ZNF821: variants seen among roughly 807,000 people sequenced by gnomAD.
ZNF821 encodes the protein zinc finger protein 821.
A neutral mutation model predicts 44.3 loss-of-function variants in ZNF821; 16 were observed. The observed-to-expected ratio is 0.36, with a 90% confidence interval of 0.24 to 0.55. The LOEUF (loss-of-function observed/expected upper bound fraction) is 0.55. Among genes scored for constraint, ZNF821 ranks in the 20% least tolerant of loss-of-function variants. ZNF821 has a pLI of 0.86. For missense variants in ZNF821, 436 were observed against 547.6 expected (o/e 0.80, Z 2.03); for synonymous variants, 204 against 197.6 (o/e 1.03, Z -0.27).
In ZNF821 at chr16:71,860,208, T is replaced by C; in HGVS notation, c.1049A>G (p.Lys350Arg). The change falls in exon 8 of 8, where the codon AAG becomes AGG. Residue 350 changes from lysine (K) to arginine (R), a missense_variant. Coordinates refer to ENST00000425432, the MANE Select transcript of ZNF821 (RefSeq NM_001201552.2). This position sits in a 1 kb window ranked among gnomAD's most constrained non-coding sequence, Gnocchi z 7.3. ...TTTCTCCAGCCTCCTCTTGAGCCGC[T>C]TGGCCTCTCGCTCTCGGATGAGCCG... ...QARLIREREA[K>R]RLKRRLEKMD... is the part of the protein sequence containing the mutation. 6.2e-7 allele frequency: 1 copy of C among 1,614,228 alleles called. No individual in the cohort carries two copies.
At chr16:71,877,935 A>G (rs1443136793) in intron 3 of ZNF821, among the ~76,000 whole-genome samples, 2 of 147,396 alleles carry the variant, frequency 1.4e-5, no homozygotes, top group East Asian at 3.9e-4. Flanking sequence ...AAAATTATAT[A>G]TATTATATAA....
chr16:71,866,700 C>T (rs1207942764), intron 4 of ZNF821, among the ~76,000 whole-genome samples: 2 of 152,280 alleles, frequency 1.3e-5, no homozygotes, highest in Admixed American at 6.5e-5. Flanking sequence ...TATTGTAATT[C>T]CCACCTGCTA....
In ZNF821 at chr16:71,861,811, A is replaced by G; in HGVS notation, c.549T>C (p.Cys183=). ...TGGCATGGCTGGTGAACCGGGCTCCACACACAGCACAGTTAGATCGCTGGT... is the reference window on the plus strand; with the variant it reads ...TGGCATGGCTGGTGAACCGGGCTCCGCACACAGCACAGTTAGATCGCTGGT... ...SEDQRSNCAV[C]GARFTSHATF... Residue 183 remains cysteine (C), a synonymous_variant, in exon 7 of 8, where the codon TGT becomes TGC. Transcript: ENST00000425432. The G allele has an allele frequency of 6.2e-7, 1 of 1,614,180 alleles. No homozygotes were observed. Among genetic ancestry groups the G allele is most frequent in the South Asian group, 1.1e-5 (1 of 91,088 alleles).
chr16:71,877,638 G>A (rs1164282496), intron 3 of ZNF821, among the ~76,000 whole-genome samples: 1 of 151,988 alleles, frequency 6.6e-6, no homozygotes, highest in East Asian at 1.9e-4. Context: ...TAGGGTTTTA[G>A]CCAGCTGCAG....
chr16:71,876,785 T>G (rs1174152664), intron 3 of ZNF821, among the ~76,000 whole-genome samples: 1 of 151,998 alleles, frequency 6.6e-6, no homozygotes, highest in Non-Finnish European at 1.5e-5. Context: ...TTTTTGTATT[T>G]TTGGTACAGA....
intron 4 of ZNF821, among the ~76,000 whole-genome samples, chr16:71,866,409 A>G (rs1403802953): frequency 1.3e-5 from 2 of 152,264 alleles, no homozygotes; most frequent in East Asian, 1.9e-4. Context: ...GCCTGGAAAG[A>G]GCTATGGTTT....
At chr16:71,869,271 C>A (rs1265642093) in intron 3 of ZNF821, among the ~76,000 whole-genome samples, 2 of 152,110 alleles carry the variant, frequency 1.3e-5, no homozygotes, top group African/African-American at 4.8e-5. Context: ...AAGGAAAGTA[C>A]GCAGGCATAC....
chr16:71,874,655 T>G (rs536694777), intron 3 of ZNF821, among the ~76,000 whole-genome samples: 1 of 152,100 alleles, frequency 6.6e-6, no homozygotes, highest in African/African-American at 2.4e-5. Context: ...GGTTTTGCCA[T>G]GTTGGCCAGG....
chr16:71,875,430 C>T (rs570830518), intron 3 of ZNF821, among the ~76,000 whole-genome samples: 24 of 151,480 alleles, frequency 1.6e-4, no homozygotes, highest in East Asian at 1.2e-3. Context: ...TATAGGCGTG[C>T]GCCACCATGC....
At chr16:71,883,431 A>G (rs2036634111) in intron 1 of ZNF821, 158 bp from the exon 2 acceptor site, 1 of 343,642 alleles carries the variant, frequency 2.9e-6, no homozygotes. Context: ...ACCAGACAAG[A>G]GCCTGACAAG....
At chr16:71,883,459 G>A in intron 1 of ZNF821, 186 bp from the exon 2 acceptor site, 4 of 337,924 alleles carry the variant, frequency 1.2e-5, no homozygotes, top group South Asian at 9.2e-5. Flanking sequence ...GGTCTTCCGA[G>A]GCGGCTCAGA....
chr16:71,867,404 C>T (rs889507007), intron 4 of ZNF821, among the ~76,000 whole-genome samples: 7 of 152,154 alleles, frequency 4.6e-5, no homozygotes, highest in South Asian at 2.1e-4. Context: ...ATATATATAT[C>T]GGCCAGGTGC....
At chr16:71,895,215 T>TGAGGCCGTGGGCGCAGA (rs576686015) in exon 1 of ZNF821, 1 of 179,920 alleles carries the variant, frequency 5.6e-6, no homozygotes, top group Non-Finnish European at 1.2e-5. Flanking sequence ...CTGGGCGCGG[T>TGAGGCCGTGGGCGCAGA]GAGGCCGTGG....
intron 7 of ZNF821, among the ~76,000 whole-genome samples, chr16:71,861,221 AATCAGACAAACCC>A (rs1345263972): frequency 6.6e-6 from 1 of 152,222 alleles, no homozygotes; most frequent in Non-Finnish European, 1.5e-5. Flanking sequence ...ATGCACCAGA[AATCAGACAAACCC>A]TTGGTGTTTT....
chr16:71,880,030 TA>T lies in ZNF821; in HGVS notation c.-77-8del. On this transcript the variant is annotated splice_region_variant and splice_polypyrimidine_tract_variant and intron_variant, in intron 2 of 7. Transcript: ENST00000425432. The stretch of plus-strand genomic sequence containing the variant: ...CTCCTTGCAAGATGCTAACCTGCAA[TA>T]AAAAAGGTTATTGTTAGCACATGTC... 3 of 1,316,670 alleles carry T rather than the reference TA, an allele frequency of 2.3e-6. No individual in the cohort carries two copies. The highest frequency in any genetic ancestry group is 3.2e-6 in the Non-Finnish European group (3 of 940,538). 81.6% of individuals were successfully genotyped at this position (1,316,670 alleles called of 1,614,324 possible).
In ZNF821 at chr16:71,864,789, T is replaced by C. The variant is rs893958112; in HGVS notation, c.312+114A>G. The C allele has an allele frequency of 1.1e-4, 152 of 1,328,800 alleles. 2 individuals are homozygous for C. The Admixed American group carries it at 3.0e-3, about 26-fold the overall frequency. The allele number at this position is 1,328,800 out of a possible 1,614,324, so 82.3% of individuals were successfully genotyped here. On this transcript the variant is annotated intron_variant, in intron 5 of 7. Coordinates refer to ENST00000425432, the MANE Select transcript of ZNF821 (RefSeq NM_001201552.2). ...GTGCCATGAAGGAAGAGGCCTCCCA[T>C]GCAGGCCCAGGAGACCATCAGAGGC...
At chr16:71,872,529 A>C (rs1251095035) in intron 3 of ZNF821, among the ~76,000 whole-genome samples, 4 of 151,972 alleles carry the variant, frequency 2.6e-5, no homozygotes, top group East Asian at 3.9e-4. Context: ...AGGAGAATGG[A>C]GTGAACTCAG....
At chr16:71,886,440 T>G (rs966953801), upstream of ZNF821, among the ~76,000 whole-genome samples, 1 of 152,210 alleles carries the variant, frequency 6.6e-6, no homozygotes, top group African/African-American at 2.4e-5. Flanking sequence ...AGAAGACCTT[T>G]TAATTAACCA....
chr16:71,870,912 C>T (rs1242717664), intron 3 of ZNF821, among the ~76,000 whole-genome samples: 1 of 152,190 alleles, frequency 6.6e-6, no homozygotes, highest in Non-Finnish European at 1.5e-5. Context: ...AGACCTTTCT[C>T]ATCAGTGATA....
Sources: gnomAD v4.1 joint callset for allele counts (sites outside exome capture counted in the v4.1 genomes callset) on GRCh38, gnomAD v4.1.1 for gene constraint, Gnocchi (gnomAD v3.1) non-coding constraint, MANE v1.5 for transcripts, NCBI Gene and HGNC (gene_info 2026-07-23, HGNC 2026-07-21) for gene names.